Variants in TLN2 observed in about 807,000 individuals in gnomAD.
TLN2 encodes talin-2.
A neutral mutation model predicts 294.7 loss-of-function variants in TLN2; 118 were observed. The ratio of observed to expected loss-of-function variants is 0.40; its 90% CI spans 0.34 to 0.47. The LOEUF is 0.47. Among genes scored for constraint, TLN2 ranks in the 20% least tolerant of loss-of-function variants. TLN2 has a pLI of 0.84. For synonymous variants in TLN2, 1,431 were observed against 1,304.5 expected (o/e 1.10, Z -2.09); for missense variants, 3,083 against 3,282.2 (o/e 0.94, Z 1.48).
rs567471085 is a variant in TLN2 at position 62,776,799 on chromosome 15, C to A, written c.5403C>A (p.Ala1801=). 1.3e-6 allele frequency: 2 copies of A among 1,595,298 alleles called. No homozygotes were observed. The highest frequency in any genetic ancestry group is 1.4e-5 in the African/African-American group (1 of 73,810). The change falls in exon 43 of 59, where the codon GCC becomes GCA. Residue 1801 remains alanine (A), a synonymous_variant. Coordinates refer to ENST00000636159, the MANE Select transcript of TLN2 (RefSeq NM_015059.3). The part of the protein sequence containing the change: ...QHTHDAITEA[A]QLMKEAVDDI... ...CCCATGACGCCATCACAGAGGCCGC[C>A]CAGTTGATGAAGGAAGCCGTGGATG...
chr15:62,804,032 AC>A (rs923488272), intron 50 of TLN2, among the ~76,000 whole-genome samples: 8 of 152,134 alleles, frequency 5.3e-5, no homozygotes, highest in African/African-American at 1.9e-4. Context: ...GTTTTTGCAG[AC>A]TCATAAAGGT....
chr15:62,471,680 A>G (rs1418306996), intron 1 of TLN2, among the ~76,000 whole-genome samples: 1 of 152,146 alleles, frequency 6.6e-6, no homozygotes, highest in Admixed American at 6.5e-5. Flanking sequence ...CTGGCACCCA[A>G]GAGTCATGCT....
At chr15:62,727,336 T>A in intron 28 of TLN2, 147 bp downstream of exon 28, 1 of 692,734 alleles carries the variant, frequency 1.4e-6, no homozygotes, top group Non-Finnish European at 2.4e-6. Context: ...CATGTGCTTG[T>A]TACCGGGCTT....
At chr15:62,734,992 A>C (rs544084762) in intron 28 of TLN2, among the ~76,000 whole-genome samples, 1 of 152,352 alleles carries the variant, frequency 6.6e-6, no homozygotes, top group African/African-American at 2.4e-5. Context: ...CAGTCATTTC[A>C]AAAGTTCAGT....
chr15:62,722,630 T>TG, intron 26 of TLN2, 143 bp downstream of exon 26: 1 of 1,126,844 alleles, frequency 8.9e-7, no homozygotes, highest in South Asian at 2.8e-5. Flanking sequence ...GATGCCCCTG[T>TG]GGGTTGGCTT....
At chr15:62,474,478 A>C (rs1236016828) in intron 1 of TLN2, among the ~76,000 whole-genome samples, 1 of 151,960 alleles carries the variant, frequency 6.6e-6, no homozygotes, top group Non-Finnish European at 1.5e-5. Flanking sequence ...TACAAAAAAT[A>C]AAATAATAAA....
chr15:62,608,845 A>C (rs149774487), intron 2 of TLN2, among the ~76,000 whole-genome samples: 504 of 152,136 alleles, frequency 3.3e-3, no homozygotes, highest in Non-Finnish European at 5.8e-3. Context: ...GGGGACTAGG[A>C]GAGAACTTGA....
At chr15:62,743,006 CTG>C (rs985604902) in intron 32 of TLN2, among the ~76,000 whole-genome samples, 3 of 152,146 alleles carry the variant, frequency 2.0e-5, no homozygotes, top group Admixed American at 6.5e-5. Flanking sequence ...TGAGTGCACA[CTG>C]TGAATAAGAC....
At chr15:62,605,973 T>G (rs2047401346) in intron 2 of TLN2, among the ~76,000 whole-genome samples, 1 of 152,222 alleles carries the variant, frequency 6.6e-6, no homozygotes, top group African/African-American at 2.4e-5. Context: ...TAGACTTGTC[T>G]AGAGGTAGTA....
chr15:62,503,364 T>C (rs1044987493), intron 1 of TLN2, among the ~76,000 whole-genome samples: 2 of 152,206 alleles, frequency 1.3e-5, no homozygotes, highest in African/African-American at 2.4e-5. Context: ...TTCACATCTT[T>C]GTGTGTGCTG....
intron 54 of TLN2, chr15:62,830,559 G>A (rs1442124132): frequency 6.9e-6 from 1 of 144,272 alleles, no homozygotes; most frequent in African/African-American, 2.5e-5. Flanking sequence ...AATGGGAGCT[G>A]GAACTGATGG....
At chr15:62,661,633 G>A (rs1484677728) in intron 9 of TLN2, among the ~76,000 whole-genome samples, 1 of 152,156 alleles carries the variant, frequency 6.6e-6, no homozygotes, top group Non-Finnish European at 1.5e-5. Context: ...ATGAAATGCA[G>A]CAATTAATAA....
intron 51 of TLN2, 63 bp downstream of exon 51, chr15:62,805,848 T>C: frequency 1.3e-6 from 2 of 1,543,032 alleles, no homozygotes; most frequent in Non-Finnish European, 1.8e-6. Context: ...GGTTGCTTGG[T>C]GTAGTCTGAA....
At chr15:62,622,229 G>A (rs765891315) in intron 3 of TLN2, among the ~76,000 whole-genome samples, 1 of 152,102 alleles carries the variant, frequency 6.6e-6, no homozygotes, top group African/African-American at 2.4e-5. Flanking sequence ...AAATTAAAAC[G>A]ACTCACTCCA....
rs181385620 is a variant in TLN2, at chr15:62,745,288, T to C, written c.4026-3063T>C. Among the ~76,000 whole-genome samples the C allele has an allele frequency of 2.4e-3, 370 of 152,254 alleles. 3 individuals are homozygous for C. Among genetic ancestry groups the C allele is most frequent in the Non-Finnish European group, 4.5e-3 (304 of 68,016 alleles). Reference sequence around the variant, plus strand: ...ATGGTTATTTAGCTTTTTTGTATTTTTAAAAATGAACTTATGTGGCTTTGA... The same window carrying C: ...ATGGTTATTTAGCTTTTTTGTATTTCTAAAAATGAACTTATGTGGCTTTGA... On this transcript the variant is annotated intron_variant, in intron 32 of 58. Coordinates refer to ENST00000636159, the MANE Select transcript of TLN2 (RefSeq NM_015059.3).
In TLN2 at chr15:62,844,600, A is replaced by T. The variant is rs1231183347; in HGVS notation, c.*3990A>T. Reference sequence around the variant, plus strand: ...CTAACCACATAAGTTATTTTTTTTTATTTGCCAGAAATAAACCTTTAAAGG... The same window carrying T: ...CTAACCACATAAGTTATTTTTTTTTTTTTGCCAGAAATAAACCTTTAAAGG... On this transcript the variant is annotated 3_prime_UTR_variant, in exon 59 of 59. Coordinates refer to ENST00000636159, the MANE Select transcript of TLN2 (RefSeq NM_015059.3). The T allele has an allele frequency of 1.3e-5, 2 of 151,774 alleles. No individual in the cohort carries two copies. Among genetic ancestry groups the T allele is most frequent in the Non-Finnish European group, 2.9e-5 (2 of 67,930 alleles). The allele number at this position is 151,774 out of a possible 1,614,324, so 9.4% of individuals were successfully genotyped here.
At chr15:62,741,566 T>C (rs2061320797) in intron 32 of TLN2, among the ~76,000 whole-genome samples, 1 of 152,170 alleles carries the variant, frequency 6.6e-6, no homozygotes, top group African/African-American at 2.4e-5. Context: ...GCATGTTTTT[T>C]TAGCATTATT....
chr15:62,587,608 C>T (rs1207177909), intron 1 of TLN2, among the ~76,000 whole-genome samples: 2 of 152,172 alleles, frequency 1.3e-5, no homozygotes, highest in Non-Finnish European at 2.9e-5. Flanking sequence ...CCTTTAGGGG[C>T]ATTTATCCTC....
intron 1 of TLN2, among the ~76,000 whole-genome samples, chr15:62,544,270 T>G (rs1469952725): frequency 6.6e-6 from 1 of 152,186 alleles, no homozygotes; most frequent in South Asian, 2.1e-4. Context: ...CCAAGCCCAG[T>G]TCAGTGCCTC....
Sources: gnomAD v4.1 joint callset for allele counts (sites outside exome capture counted in the v4.1 genomes callset) on GRCh38, gnomAD v4.1.1 for gene constraint, MANE v1.5 for transcripts, NCBI Gene and HGNC (gene_info 2026-07-23, HGNC 2026-07-21) for gene names.